Variants in MROH2A observed in about 807,000 individuals in gnomAD.
MROH2A encodes maestro heat like repeat family member 2A.
In MROH2A, 174 loss-of-function variants were observed where a neutral mutation model predicts 200.4. That is an observed-to-expected ratio of 0.87 (90% confidence interval 0.77 to 0.98). MROH2A has a LOEUF of 0.98. Among genes scored for constraint, MROH2A ranks in the 50% least tolerant of loss-of-function variants. The pLI, the probability that MROH2A is intolerant of heterozygous loss-of-function variation, is 0.00. For missense variants in MROH2A, 2,045 were observed against 2,139.6 expected (o/e 0.96, Z 0.87); for synonymous variants, 829 against 840.4 (o/e 0.99, Z 0.23).
chr2:233,801,981 G>T (rs922292425), intron 14 of MROH2A, among the ~76,000 whole-genome samples, 187 bp from the exon 15 acceptor site: 1 of 152,154 alleles, frequency 6.6e-6, no homozygotes, highest in Non-Finnish European at 1.5e-5. Context: ...CATCAGGGTG[G>T]GTGACACTTA....
chr2:233,814,198 A>G (rs1454598837), intron 25 of MROH2A, among the ~76,000 whole-genome samples: 2 of 152,188 alleles, frequency 1.3e-5, no homozygotes, highest in African/African-American at 2.4e-5. Flanking sequence ...CCCTCCTTCT[A>G]TTGGCTGAAA....
Position 233,804,051 on chromosome 2 carries a change from G to C in MROH2A, c.1750G>C (p.Val584Leu). Residue 584 changes from valine to leucine, a missense_variant and splice_region_variant, in exon 17 of 42, where the codon GTG becomes CTG. Val to Leu is a conservative substitution (Grantham distance 32). This residue lies in a region of MROH2A where 831 missense variants were observed against 800.0 expected (regional missense o/e 1.04). Coordinates refer to ENST00000389758, the MANE Select transcript of MROH2A (RefSeq NM_001394639.1). ...TCACTGGAGCCTTGGTGCCCTCCAG[G>C]TGCTGATGTCATCACCTTACAAGGG... ...APQKLLARLLVLMSSPYKGEG... is the reference protein window; with the variant it reads ...APQKLLARLLLLMSSPYKGEG... 6.4e-7 allele frequency: 1 copy of C among 1,550,498 alleles called. No homozygotes were observed. The highest frequency in any genetic ancestry group is 8.7e-7 in the Non-Finnish European group (1 of 1,146,954).
At chr2:233,806,314 A>AT (rs1367871566) in intron 19 of MROH2A, among the ~76,000 whole-genome samples, 1 of 152,154 alleles carries the variant, frequency 6.6e-6, no homozygotes, top group Non-Finnish European at 1.5e-5. Flanking sequence ...AGATATTAAC[A>AT]TTTTTTGTGT....
At chr2:233,796,626 G>A (rs1002273048) in intron 11 of MROH2A, among the ~76,000 whole-genome samples, 4 of 152,206 alleles carry the variant, frequency 2.6e-5, no homozygotes, top group South Asian at 2.1e-4. Context: ...CTGAAGCCCC[G>A]TGGACTCAAT....
In MROH2A at chr2:233,788,091, C is replaced by CAT. The variant is rs1553628744; in HGVS notation, c.277-1401_277-1400dup. On this transcript the variant is annotated intron_variant, in intron 3 of 41. Coordinates refer to ENST00000389758, the MANE Select transcript of MROH2A (RefSeq NM_001394639.1). ...TATATATACATATATATTATATATA[C>CAT]ATATATTATATATACATATATATTA... is the stretch of plus-strand genomic sequence containing the variant. Among the ~76,000 whole-genome samples the CAT allele has an allele frequency of 7.3e-4, 55 of 75,842 alleles. 2 individuals carry two copies. The highest frequency in any genetic ancestry group is 2.9e-3 in the African/African-American group (52 of 17,680). 49.8% of individuals were successfully genotyped at this position (75,842 alleles called of 152,430 possible). A position where few individuals can be genotyped will look rare whatever the true frequency, so the allele number is the denominator to read the frequency against.
At position 233,807,296 on chromosome 2, in the gene MROH2A, C is replaced by T. The variant is rs969626978; in HGVS notation, c.2053-127C>T. On this transcript the variant is annotated intron_variant, in intron 19 of 41. Coordinates refer to ENST00000389758, the MANE Select transcript of MROH2A (RefSeq NM_001394639.1). This position sits in a 1 kb window ranked among gnomAD's most constrained non-coding sequence, Gnocchi z 4.3. ...CACTTGTGAATTGTGCTGCTGTAAACGTGTGTGCAAGTATCTTCTGCACAT... is the reference window on the plus strand; with the variant it reads ...CACTTGTGAATTGTGCTGCTGTAAATGTGTGTGCAAGTATCTTCTGCACAT... 20 of 1,040,010 alleles carry T rather than the reference C, an allele frequency of 1.9e-5. No individual in the cohort carries two copies. The highest frequency in any genetic ancestry group is 4.8e-5 in the African/African-American group (3 of 62,064). 64.4% of individuals were successfully genotyped at this position (1,040,010 alleles called of 1,614,324 possible). A position where few individuals can be genotyped will look rare whatever the true frequency, so the allele number is the denominator to read the frequency against.
rs141259399 is a variant in MROH2A at position 233,794,375 on chromosome 2, G to T, written c.835G>T (p.Val279Leu). 5.3e-5 allele frequency: 82 copies of T among 1,550,392 alleles called. 2 individuals carry two copies. In the Admixed American group the frequency reaches 6.9e-4, roughly 13 times the overall value. The change falls in exon 8 of 42, where the codon GTG (valine) becomes TTG (leucine). Residue 279 changes from valine to leucine, a missense_variant. By Grantham distance (32) the Val-to-Leu change is conservative. Transcript: ENST00000389758. ...RHYNPEVKLGVIKSLKPMLGL... is the reference protein window; with the variant it reads ...RHYNPEVKLGLIKSLKPMLGL... ...TTTCTGGTGGCAGGTGAAGCTGGGG[G>T]TGATCAAGTCCCTGAAGCCCATGCT...
rs1702272993 is a variant in MROH2A, at chr2:233,798,798, T to G, written c.1277T>G (p.Ile426Ser). 4.5e-6 allele frequency: 7 copies of G among 1,550,348 alleles called. No homozygotes were observed. The highest frequency in any genetic ancestry group is 6.1e-6 in the Non-Finnish European group (7 of 1,146,952). ...ADEPRMSIRA[I>S]YLAIRVVKNT... ...GAGCCCAGGATGAGTATCAGGGCCA[T>G]CTACCTGGCTATCCGGGTAGTCAAG... The change falls in exon 12 of 42, where the codon ATC becomes AGC. Residue 426 changes from isoleucine to serine, a missense_variant. Transcript: ENST00000389758.
At chr2:233,801,041 C>T (rs1559456209) in intron 14 of MROH2A, among the ~76,000 whole-genome samples, 1 of 152,158 alleles carries the variant, frequency 6.6e-6, no homozygotes, top group Admixed American at 6.5e-5. Context: ...GCAACCTGTG[C>T]AATCTTGTTT....
chr2:233,805,237 A>G lies in MROH2A; in HGVS notation c.2052+126A>G, dbSNP rs557261496. 2.6e-4 allele frequency: 156 copies of G among 610,004 alleles called. No individual in the cohort carries two copies. In the East Asian group the frequency reaches 4.5e-3, roughly 18 times the overall value. 37.8% of individuals were successfully genotyped at this position (610,004 alleles called of 1,614,324 possible). Reference sequence around the variant, plus strand: ...TGGCTGTTTACAGGGTCCTGGGAGGAGAGGAGCGTGGTCTGGATTGGTGGT... The same window carrying G: ...TGGCTGTTTACAGGGTCCTGGGAGGGGAGGAGCGTGGTCTGGATTGGTGGT... On this transcript the variant is annotated intron_variant, in intron 19 of 41. Transcript: ENST00000389758.
At chr2:233,795,351 G>A (rs1702035997) in intron 8 of MROH2A, among the ~76,000 whole-genome samples, 1 of 152,170 alleles carries the variant, frequency 6.6e-6, no homozygotes, top group Admixed American at 6.5e-5. Flanking sequence ...GGAGCCATCT[G>A]TAGATCATTC....
intron 31 of MROH2A, 63 bp from the exon 32 acceptor site, chr2:233,822,061 G>T (rs1317651802): frequency 6.0e-6 from 9 of 1,497,800 alleles, no homozygotes; most frequent in Non-Finnish European, 8.1e-6. Flanking sequence ...GTTTGAAAGG[G>T]ATTCTTACCT....
intron 26 of MROH2A, among the ~76,000 whole-genome samples, chr2:233,815,144 C>T (rs1703429842): frequency 6.6e-6 from 1 of 152,234 alleles, no homozygotes; most frequent in Admixed American, 6.5e-5. Context: ...GGCAGTGCAT[C>T]TACCTGTCAG....
chr2:233,830,938 CAATGGTG>C (rs1704696750), intron 38 of MROH2A, among the ~76,000 whole-genome samples: 1 of 152,208 alleles, frequency 6.6e-6, no homozygotes, highest in Admixed American at 6.5e-5. Context: ...GTGCACCCAG[CAATGGTG>C]ACCGAGAGTG....
At position 233,790,032 on chromosome 2, in the gene MROH2A, C is replaced by T. The variant is rs1701619900; in HGVS notation, c.571+18C>T. The T allele has an allele frequency of 6.5e-7, 1 of 1,531,674 alleles. No individual in the cohort carries two copies. Among genetic ancestry groups the T allele is most frequent in the Non-Finnish European group, 8.8e-7 (1 of 1,136,126 alleles). The allele number at this position is 1,531,674 out of a possible 1,614,324, so 94.9% of individuals were successfully genotyped here. ...CGGCAATGGTAGGGGCTTGAGGGCC[C>T]TCAGCCGGGCCCAGTGTGCCCTTCT... On this transcript the variant is annotated intron_variant, in intron 5 of 41. Transcript: ENST00000389758.
Position 233,822,511 on chromosome 2 carries a change from A to C in MROH2A, c.3821A>C (p.Lys1274Thr). The C allele has an allele frequency of 6.4e-7, 1 of 1,550,630 alleles. No homozygotes were observed. Among genetic ancestry groups the C allele is most frequent in the East Asian group, 2.4e-5 (1 of 40,908 alleles). Reference sequence around the variant, plus strand: ...GCCCCGCCGGTCTTGAAGATGTGGAAGCTGGTCCACACCACTCCTCTGCCG... The same window carrying C: ...GCCCCGCCGGTCTTGAAGATGTGGACGCTGGTCCACACCACTCCTCTGCCG... ...EAAPPVLKMW[K>T]LVHTTPLPEE... is the part of the protein sequence containing the mutation. The change falls in exon 33 of 42, where the codon AAG becomes ACG. Residue 1274 changes from lysine to threonine, a missense_variant. Transcript: ENST00000389758.
rs975019744 is a variant in MROH2A, at chr2:233,814,605, C to T, written c.2784C>T (p.Ser928=). 8 of 1,550,304 alleles carry T rather than the reference C, an allele frequency of 5.2e-6. No homozygotes were observed. The African/African-American group carries it at 1.1e-4, about 21-fold the overall frequency. ...AGACCCTGTATGCAAATGCCCTGAG[C>T]TCCCTGGAGCAGCTGATGGAGAGCC... The part of the protein sequence containing the change: ...SIKTLYANAL[S]SLEQLMESLL... The change falls in exon 26 of 42, where the codon AGC becomes AGT. Residue 928 remains serine (S), a synonymous_variant. Transcript: ENST00000389758.
intron 15 of MROH2A, among the ~76,000 whole-genome samples, chr2:233,803,000 C>A (rs1702566488): frequency 6.6e-6 from 1 of 152,244 alleles, no homozygotes; most frequent in Non-Finnish European, 1.5e-5. Context: ...TCTCAGCAGG[C>A]CTGGCCGTGC....
chr2:233,792,156 G>A (rs1001338535), intron 5 of MROH2A, among the ~76,000 whole-genome samples: 1 of 151,992 alleles, frequency 6.6e-6, no homozygotes, highest in African/African-American at 2.4e-5. Flanking sequence ...CACTCTGGGG[G>A]CTGCTTCTTT....
Sources: allele counts gnomAD v4.1 joint callset (sites outside exome capture counted in the v4.1 genomes callset), GRCh38; gene constraint gnomAD v4.1.1; regional missense constraint gnomAD v4.1.1; non-coding constraint Gnocchi (gnomAD v3.1); transcripts MANE v1.5; gene names NCBI Gene and HGNC (gene_info 2026-07-23, HGNC 2026-07-21).